The following ZNF365 variants were observed in gnomAD, a reference collection of about 807,000 sequenced individuals.
The protein encoded by ZNF365 is zinc finger protein 365.
A neutral mutation model predicts 35.0 loss-of-function variants in ZNF365; 22 were observed. The observed-to-expected ratio is 0.63, with a 90% CI of 0.45 to 0.90. The LOEUF (loss-of-function observed/expected upper bound fraction) is 0.90. ZNF365 is among the 40% of genes least tolerant of loss of function. The probability of loss-of-function intolerance (pLI) is 0.00; values close to 1 mark genes in which losing one functional copy is unlikely to be tolerated. For synonymous variants in ZNF365, 188 were observed against 196.2 expected, an observed-to-expected ratio of 0.96 and a Z score of 0.35; for missense variants, 448 against 500.3, an observed-to-expected ratio of 0.90 and a Z score of 1.00.
At chr10:62,422,339 C>T (rs1408471845) in intron 3 of ZNF365, among the ~76,000 whole-genome samples, 1 of 152,098 alleles carries the variant, frequency 6.6e-6, no homozygotes, top group Non-Finnish European at 1.5e-5. Context: ...TAAGGAGGCA[C>T]AATATTTTGT....
rs144445885 is a variant in ZNF365, at chr10:62,438,403, G to A, written c.925-21338G>A. Among the ~76,000 whole-genome samples, 597 of 152,064 alleles carry A rather than the reference G, an allele frequency of 3.9e-3. 1 individual carries two copies. The highest frequency in any genetic ancestry group is 6.8e-3 in the Non-Finnish European group (465 of 67,966). On this transcript the variant is annotated intron_variant, in intron 3 of 4. Coordinates refer to the ZNF365 transcript ENST00000395255. ...AGGTTTCGCCACATTGCCCAGGCTG[G>A]TCTCAAACTCCTGGCCTCAAGTGAT... is the stretch of plus-strand genomic sequence containing the variant.
chr10:62,376,711 A>G lies in ZNF365; in HGVS notation c.518A>G (p.Asp173Gly). The G allele has an allele frequency of 6.2e-7, 1 of 1,614,180 alleles. No homozygotes were observed. The highest frequency in any genetic ancestry group is 8.5e-7 in the Non-Finnish European group (1 of 1,180,032). Residue 173 changes from aspartate to glycine, a missense_variant, in exon 2 of 5, where the codon GAT (aspartate) becomes GGT (glycine). Physicochemically the swap from Asp to Gly is moderately conservative, Grantham distance 94. Coordinates refer to ENST00000395254, the MANE Select transcript of ZNF365 (RefSeq NM_014951.3). Reference sequence around the variant, plus strand: ...TTCAATCGAATGGTTGAGGCTGTGGATAGGACCATTGAGAAGAGAATTGAT... The same window carrying G: ...TTCAATCGAATGGTTGAGGCTGTGGGTAGGACCATTGAGAAGAGAATTGAT... ...EKFNRMVEAVDRTIEKRIDKL... is the reference protein window; with the variant it reads ...EKFNRMVEAVGRTIEKRIDKL...
At chr10:62,477,570 G>A (rs137952089) in intron 4 of ZNF365, among the ~76,000 whole-genome samples, 33 of 152,208 alleles carry the variant, frequency 2.2e-4, no homozygotes, top group African/African-American at 7.2e-4. Context: ...TATTAGCACC[G>A]TTTATTGCTG....
intron 4 of ZNF365, among the ~76,000 whole-genome samples, chr10:62,460,857 T>C (rs974336676): frequency 6.6e-6 from 1 of 152,178 alleles, no homozygotes; most frequent in African/African-American, 2.4e-5. Flanking sequence ...CAAACTCAGA[T>C]GCCCATAGGA....
chr10:62,409,204 G>A (rs1451583767), intron 3 of ZNF365, among the ~76,000 whole-genome samples: 2 of 152,142 alleles, frequency 1.3e-5, no homozygotes, highest in Admixed American at 1.3e-4. Flanking sequence ...AATCCTGTCT[G>A]GTGATGGAAG....
intron 3 of ZNF365, among the ~76,000 whole-genome samples, chr10:62,410,904 G>A (rs570368215): frequency 1.2e-4 from 18 of 152,268 alleles, no homozygotes; most frequent in African/African-American, 4.3e-4. Flanking sequence ...CGGTGTAAAA[G>A]TGTTCCATTT....
chr10:62,477,588 C>T (rs1204247717), intron 4 of ZNF365, among the ~76,000 whole-genome samples: 1 of 152,122 alleles, frequency 6.6e-6, no homozygotes, highest in East Asian at 1.9e-4. Flanking sequence ...CTGTGACTAT[C>T]AGAATGAACT....
chr10:62,459,915 C>T, intron 4 of ZNF365: 1 of 795,832 alleles, frequency 1.3e-6, no homozygotes, highest in South Asian at 1.6e-5. Flanking sequence ...TGTATGAAAA[C>T]ACACATTTTC....
At chr10:62,425,007 A>G (rs1240105757) in intron 3 of ZNF365, among the ~76,000 whole-genome samples, 1 of 152,066 alleles carries the variant, frequency 6.6e-6, no homozygotes, top group East Asian at 1.9e-4. Context: ...ATTTCCACAC[A>G]ACCTCCCTGC....
rs151210902 is a variant in ZNF365 at position 62,461,943 on chromosome 10, G to A, written c.981+2146G>A. 5.2e-3 allele frequency among the ~76,000 whole-genome samples: 789 copies of A among 152,216 alleles called. 6 individuals carry two copies. The highest frequency in any genetic ancestry group is 0.018 in the African/African-American group (753 of 41,520). Reference sequence around the variant, plus strand: ...AATCAGAATGTTGTAAATTCTGCGGGCAAACAGGAATACTTTGGAATTCTC... The same window carrying A: ...AATCAGAATGTTGTAAATTCTGCGGACAAACAGGAATACTTTGGAATTCTC... On this transcript the variant is annotated intron_variant, in intron 4 of 4. Transcript: ENST00000395255.
At chr10:62,392,222 T>C (rs917322991) in intron 3 of ZNF365, among the ~76,000 whole-genome samples, 1 of 152,246 alleles carries the variant, frequency 6.6e-6, no homozygotes, top group Non-Finnish European at 1.5e-5. Flanking sequence ...TGATTATTTC[T>C]TTTGCTGTGC....
chr10:62,379,295 A>T (rs1036266490), intron 2 of ZNF365, among the ~76,000 whole-genome samples: 3 of 152,072 alleles, frequency 2.0e-5, no homozygotes, highest in Non-Finnish European at 1.5e-5. Context: ...AAGTGCTGGG[A>T]TTATAGTTGT....
At chr10:62,442,476 G>C (rs1840516945) in intron 3 of ZNF365, among the ~76,000 whole-genome samples, 1 of 152,194 alleles carries the variant, frequency 6.6e-6, no homozygotes, top group Non-Finnish European at 1.5e-5. Flanking sequence ...GGTGGTGGGT[G>C]GGGTGGAGGG....
rs74158917 is a variant in ZNF365, at chr10:62,465,439, G to A, written c.981+5642G>A. ...CTAGGTGGGAAGGGGTGTGTCCCTA[G>A]TGAAAACCCACCTTCAAGCCAGGAA... On this transcript the variant is annotated intron_variant, in intron 4 of 4. Transcript: ENST00000395255. 8.5e-5 allele frequency among the ~76,000 whole-genome samples: 13 copies of A among 152,258 alleles called. No homozygotes were observed. In the East Asian group the frequency reaches 2.1e-3, roughly 25 times the overall value.
chr10:62,420,475 G>A (rs4590747), intron 3 of ZNF365, among the ~76,000 whole-genome samples: 93,503 of 152,018 alleles, frequency 0.62, 29,459 homozygotes, highest in East Asian at 0.84. Flanking sequence ...AGAATTGCAT[G>A]TAGGATTTTC....
rs1009190361 is a variant in ZNF365 at position 62,401,188 on chromosome 10, A to G, written c.*1399A>G. The G allele has an allele frequency of 1.0e-6, 1 of 977,706 alleles. No individual in the cohort carries two copies. Among genetic ancestry groups the G allele is most frequent in the Non-Finnish European group, 1.2e-6 (1 of 823,080 alleles). 60.6% of individuals were successfully genotyped at this position (977,706 alleles called of 1,614,324 possible). On this transcript the variant is annotated 3_prime_UTR_variant, in exon 5 of 5. Coordinates refer to ENST00000395254, the MANE Select transcript of ZNF365 (RefSeq NM_014951.3). ...TATATGTTAAGTATATTAATAATTTATTTTTAAATACTCATGGAGAAAGTG... is the reference window on the plus strand; with the variant it reads ...TATATGTTAAGTATATTAATAATTTGTTTTTAAATACTCATGGAGAAAGTG...
In ZNF365 at chr10:62,463,216, C is replaced by G. The variant is rs569652027; in HGVS notation, c.981+3419C>G. ...CAGCTAGAAACTGTGGGGCAGGCAG[C>G]CGCCTACTTCCCATCCAAGTCATGG... On this transcript the variant is annotated intron_variant, in intron 4 of 4. Transcript: ENST00000395255. Among the ~76,000 whole-genome samples the G allele has an allele frequency of 5.9e-5, 9 of 152,330 alleles. No homozygotes were observed. In the South Asian group the frequency reaches 1.9e-3, roughly 32 times the overall value.
chr10:62,397,740 T>C (rs939262202), intron 3 of ZNF365, among the ~76,000 whole-genome samples: 5 of 152,206 alleles, frequency 3.3e-5, no homozygotes, highest in Admixed American at 3.3e-4. Context: ...TCTCTCATTT[T>C]AGGAATGATG....
At chr10:62,416,063 T>G (rs1232863435) in intron 3 of ZNF365, among the ~76,000 whole-genome samples, 2 of 152,156 alleles carry the variant, frequency 1.3e-5, no homozygotes, top group Non-Finnish European at 2.9e-5. Context: ...CTATCTTGCT[T>G]CTTGGATTGA....
Sources: gnomAD v4.1 joint callset for allele counts (sites outside exome capture counted in the v4.1 genomes callset) on GRCh38, gnomAD v4.1.1 for gene constraint, MANE v1.5 for transcripts, NCBI Gene and HGNC (gene_info 2026-07-23, HGNC 2026-07-21) for gene names.